The following SCRIB variants were observed in gnomAD, a reference collection of about 807,000 sequenced individuals.
SCRIB encodes scribble planar cell polarity protein, also known as protein scribble homolog.
SCRIB carries 72 observed loss-of-function variants against 170.0 expected under a neutral mutation model. The ratio of observed to expected loss-of-function variants is 0.42; its 90% CI spans 0.35 to 0.52. SCRIB has a LOEUF of 0.52. Among genes scored for constraint, SCRIB ranks in the 20% least tolerant of loss-of-function variants. SCRIB has a pLI of 0.02. For synonymous variants in SCRIB, 1,298 were observed against 1,044.3 expected (o/e 1.24, Z -4.68); for missense variants, 2,475 against 2,338.5 (o/e 1.06, Z -1.20).
At chr8:143,810,642 A>T (rs1242664549) in intron 12 of SCRIB, 38 bp from the exon 13 acceptor site, 1 of 1,605,552 alleles carries the variant, frequency 6.2e-7, no homozygotes, top group African/African-American at 1.3e-5. Flanking sequence ...GCCACAGGGC[A>T]GGGGTCAGGC....
chr8:143,815,277 G>A lies in SCRIB; in HGVS notation c.96C>T (p.Tyr32=), dbSNP rs150033097. The part of the protein sequence containing the change: ...CSLQAVPEEI[Y]RYSRSLEELL... Reference sequence around the variant, plus strand: ...GCTCCTCCAGGCTGCGGCTGTAGCGGTAGATCTCCTCCGGCACGGCCTGCA... The same window carrying A: ...GCTCCTCCAGGCTGCGGCTGTAGCGATAGATCTCCTCCGGCACGGCCTGCA... The change falls in exon 1 of 37, where the codon TAC becomes TAT. Residue 32 remains tyrosine (Y), a synonymous_variant. Coordinates refer to ENST00000356994, the MANE Select transcript of SCRIB (RefSeq NM_182706.5). 5.5e-4 allele frequency: 879 copies of A among 1,597,646 alleles called. 1 individual carries two copies. The highest frequency in any genetic ancestry group is 1.0e-3 in the Middle Eastern group (6 of 5,976).
chr8:143,791,076 T>TAACA lies in SCRIB; in HGVS notation c.*83_*86dup, dbSNP rs1351871859. 167 of 1,317,632 alleles carry TAACA rather than the reference T, an allele frequency of 1.3e-4. No homozygotes were observed. Among genetic ancestry groups the TAACA allele is most frequent in the African/African-American group, 1.8e-4 (12 of 65,880 alleles). The allele number at this position is 1,317,632 out of a possible 1,614,324, so 81.6% of individuals were successfully genotyped here. ...CTCCTGTGGGGTCTCTTTAAAATGC[T>TAACA]AACACCCAGGTTAAAAGACTTGGGG... On this transcript the variant is annotated 3_prime_UTR_variant, in exon 37 of 37. Transcript: ENST00000356994.
rs184788757 is a variant in SCRIB at position 143,806,841 on chromosome 8, G to A, written c.2268+83C>T. 16 of 1,006,120 alleles carry A rather than the reference G, an allele frequency of 1.6e-5. No homozygotes were observed. The East Asian group carries it at 2.9e-4, about 18-fold the overall frequency. 62.3% of individuals were successfully genotyped at this position (1,006,120 alleles called of 1,614,324 possible). A position where few individuals can be genotyped will look rare whatever the true frequency, so the allele number is the denominator to read the frequency against. On this transcript the variant is annotated intron_variant, in intron 17 of 36. Coordinates refer to ENST00000356994, the MANE Select transcript of SCRIB (RefSeq NM_182706.5). ...CCCCAGAGCGTGTGAGTGTTCTCAGGGCAAGGGGCCTGTGTGCCATCAGTG... is the reference window on the plus strand; with the variant it reads ...CCCCAGAGCGTGTGAGTGTTCTCAGAGCAAGGGGCCTGTGTGCCATCAGTG...
chr8:143,800,976 G>A (rs572773964), intron 24 of SCRIB, among the ~76,000 whole-genome samples: 38 of 152,198 alleles, frequency 2.5e-4, no homozygotes, highest in Admixed American at 2.0e-3. Context: ...ATTGACAATA[G>A]AAACTTTTCA....
intron 8 of SCRIB, 22 bp from the exon 9 acceptor site, chr8:143,812,406 G>T: frequency 6.4e-7 from 1 of 1,553,758 alleles, no homozygotes; most frequent in South Asian, 1.1e-5. Context: ...GAGACAGGGG[G>T]ACAAGGCTGA....
intron 13 of SCRIB, among the ~76,000 whole-genome samples, chr8:143,810,250 C>T (rs770595174): frequency 4.6e-5 from 7 of 152,190 alleles, no homozygotes; most frequent in Non-Finnish European, 1.0e-4. Flanking sequence ...ACCACTGGTT[C>T]TCCCCATACT....
chr8:143,793,959 G>A lies in SCRIB; in HGVS notation c.3850C>T (p.Pro1284Ser). Residue 1284 changes from proline to serine, a missense_variant, in exon 28 of 37, where the codon CCG becomes TCG. Coordinates refer to ENST00000356994, the MANE Select transcript of SCRIB (RefSeq NM_182706.5). Reference protein sequence around the residue: ...VPSAGSVQRVPSGAAGGKMAE... With the variant: ...VPSAGSVQRVSSGAAGGKMAE... ...ATCTTCCCTCCAGCTGCTCCAGACG[G>A]TACCTGGAGGAGTAGGCAGTGGGTG... 3 of 1,613,018 alleles carry A rather than the reference G, an allele frequency of 1.9e-6. No homozygotes were observed. Among genetic ancestry groups the A allele is most frequent in the Non-Finnish European group, 2.5e-6 (3 of 1,179,418 alleles).
chr8:143,804,730 C>A lies in SCRIB; in HGVS notation c.2847G>T (p.Glu949Asp), dbSNP rs139092430. 2.5e-6 allele frequency: 4 copies of A among 1,594,316 alleles called. No homozygotes were observed. The African/African-American group carries it at 5.4e-5, about 21-fold the overall frequency. ...GGCTGGGAGGAAGAGGGCCCCCAGC[C>A]TCCCGCTCCAACAGCAGGGCGATGG... is the stretch of plus-strand genomic sequence containing the variant. Reference protein sequence around the residue: ...SPTIALLLEREAGGPLPPSPL... With the variant: ...SPTIALLLERDAGGPLPPSPL... The change falls in exon 21 of 37, where the codon GAG (glutamate) becomes GAT (aspartate). Residue 949 changes from glutamate (E) to aspartate (D), a missense_variant. Transcript: ENST00000356994.
Position 143,809,691 on chromosome 8 carries a change from G to T in SCRIB, c.1558C>A (p.Leu520Met), listed in dbSNP as rs768577785. ...GCAGATGGGCGAGAGTCTTCACTCA[G>T]GCCAGACTCGGCACTCAGCCGCTTC... ...EEKRLSAESG[L>M]SEDSRPSAST... Residue 520 changes from leucine (L) to methionine (M), a missense_variant, in exon 14 of 37, where the codon CTG (leucine) becomes ATG (methionine). Coordinates refer to ENST00000356994, the MANE Select transcript of SCRIB (RefSeq NM_182706.5). 1 of 1,610,016 alleles carries T rather than the reference G, an allele frequency of 6.2e-7. No individual in the cohort carries two copies. Among genetic ancestry groups the T allele is most frequent in the Non-Finnish European group, 8.5e-7 (1 of 1,179,838 alleles).
rs1554633804 is a variant in SCRIB, at chr8:143,795,082, A to G, written c.3802T>C (p.Tyr1268His). Reference protein sequence around the residue: ...GRGLQPLKLDYRALAAVPSAG... With the variant: ...GRGLQPLKLDHRALAAVPSAG... Reference sequence around the variant, plus strand: ...CTGGGCACGGCGGCCAGGGCGCGGTAGTCCAGCTTCAGGGGCTGCAGACCC... The same window carrying G: ...CTGGGCACGGCGGCCAGGGCGCGGTGGTCCAGCTTCAGGGGCTGCAGACCC... The change falls in exon 27 of 37, where the codon TAC becomes CAC. Residue 1268 changes from tyrosine to histidine, a missense_variant. Tyr to His is a moderately conservative substitution (Grantham distance 83, BLOSUM62 2). Coordinates refer to ENST00000356994, the MANE Select transcript of SCRIB (RefSeq NM_182706.5). 1.2e-6 allele frequency: 2 copies of G among 1,611,386 alleles called. No individual in the cohort carries two copies. Among genetic ancestry groups the G allele is most frequent in the Admixed American group, 3.3e-5 (2 of 59,966 alleles).
chr8:143,798,638 G>T (rs1443113788), intron 24 of SCRIB, among the ~76,000 whole-genome samples: 2 of 152,142 alleles, frequency 1.3e-5, no homozygotes, highest in East Asian at 3.8e-4. Flanking sequence ...GATTTTATGA[G>T]AAAAAGTATA....
At chr8:143,803,343 G>A in intron 24 of SCRIB, 40 bp downstream of exon 24, 2 of 1,503,194 alleles carry the variant, frequency 1.3e-6, no homozygotes, top group Non-Finnish European at 8.9e-7. Context: ...CCTTGGGCTG[G>A]GCCAGAGGGA....
At position 143,812,994 on chromosome 8, in the gene SCRIB, G is replaced by C. The variant is rs375199812; in HGVS notation, c.643-33C>G. On this transcript the variant is annotated intron_variant, in intron 7 of 36. Coordinates refer to ENST00000356994, the MANE Select transcript of SCRIB (RefSeq NM_182706.5). ...TGGGCAGAGAGTCAGAGCGCGGATGGGCACGAAGCAGGGGGCCAGCCCCAC... is the reference window on the plus strand; with the variant it reads ...TGGGCAGAGAGTCAGAGCGCGGATGCGCACGAAGCAGGGGGCCAGCCCCAC... 313 of 1,611,120 alleles carry C rather than the reference G, an allele frequency of 1.9e-4. 1 individual carries two copies. In the African/African-American group the frequency reaches 2.9e-3, roughly 15 times the overall value.
chr8:143,815,406 C>CGCTCGGCGG lies in SCRIB; in HGVS notation c.-43_-35dup, dbSNP rs1463623709. ...TGGGCGGCGCGGGCTCCGGCGGCGGCGCTCGGCGGGCTCGGGGCCGGGGGG... is the reference window on the plus strand; with the variant it reads ...TGGGCGGCGCGGGCTCCGGCGGCGGCGCTCGGCGGGCTCGGCGGGCTCGGGGCCGGGGGG... On this transcript the variant is annotated 5_prime_UTR_variant, in exon 1 of 37. Transcript: ENST00000356994. The CGCTCGGCGG allele has an allele frequency of 2.1e-5, 26 of 1,251,594 alleles. No homozygotes were observed. Among genetic ancestry groups the CGCTCGGCGG allele is most frequent in the African/African-American group, 1.6e-4 (10 of 63,900 alleles). 77.5% of individuals were successfully genotyped at this position (1,251,594 alleles called of 1,614,324 possible).
chr8:143,810,633 C>A, intron 12 of SCRIB, 29 bp from the exon 13 acceptor site: 7 of 1,607,950 alleles, frequency 4.4e-6, no homozygotes, highest in Non-Finnish European at 6.0e-6. Context: ...TGAGCAGCAG[C>A]CACAGGGCAG....
Position 143,815,431 on chromosome 8 carries a change from G to T in SCRIB, c.-59C>A. 1 of 1,211,016 alleles carries T rather than the reference G, an allele frequency of 8.3e-7. No homozygotes were observed. The highest frequency in any genetic ancestry group is 1.0e-6 in the Non-Finnish European group (1 of 972,596). The allele number at this position is 1,211,016 out of a possible 1,614,324, so 75.0% of individuals were successfully genotyped here. Reference sequence around the variant, plus strand: ...CGCTCGGCGGGCTCGGGGCCGGGGGGCGGGGCTCAGTCCGCATGGGCGCCG... The same window carrying T: ...CGCTCGGCGGGCTCGGGGCCGGGGGTCGGGGCTCAGTCCGCATGGGCGCCG... On this transcript the variant is annotated 5_prime_UTR_variant, in exon 1 of 37. Transcript: ENST00000356994.
In SCRIB at chr8:143,815,508, G is replaced by A. The variant is rs1816051156; in HGVS notation, c.-136C>T. On this transcript the variant is annotated 5_prime_UTR_variant, in exon 1 of 37. Coordinates refer to ENST00000356994, the MANE Select transcript of SCRIB (RefSeq NM_182706.5). The stretch of plus-strand genomic sequence containing the variant: ...GGCGGGCCGCCCGAGACTGGACGGG[G>A]ACGCGGCCGCGGCCGGCGCTGGGCC... The A allele has an allele frequency of 1.0e-6, 1 of 986,608 alleles. No homozygotes were observed. Among genetic ancestry groups the A allele is most frequent in the East Asian group, 1.1e-4 (1 of 8,812 alleles). The allele number at this position is 986,608 out of a possible 1,614,324, so 61.1% of individuals were successfully genotyped here.
chr8:143,814,731 G>A (rs543342134), intron 1 of SCRIB: 4 of 166,400 alleles, frequency 2.4e-5, no homozygotes, highest in South Asian at 1.8e-4. Flanking sequence ...TCTTGTAGCA[G>A]CCTTAGGAGA....
Position 143,806,430 on chromosome 8 carries a change from G to A in SCRIB, c.2323C>T (p.Arg775Cys), listed in dbSNP as rs942048242. 5.0e-6 allele frequency: 8 copies of A among 1,605,956 alleles called. No individual in the cohort carries two copies. The highest frequency in any genetic ancestry group is 4.0e-5 in the African/African-American group (3 of 74,738). Residue 775 changes from arginine (R) to cysteine (C), a missense_variant, in exon 18 of 37, where the codon CGT becomes TGT. Transcript: ENST00000356994. ...ACCTCCAGGAGCTTGTCACCCACACGGACTCCAGCCCGGGCCGCAGGGCCT... is the reference window on the plus strand; with the variant it reads ...ACCTCCAGGAGCTTGTCACCCACACAGACTCCAGCCCGGGCCGCAGGGCCT... The part of the protein sequence containing the change: ...EEGPAARAGV[R>C]VGDKLLEVNG...
Sources: allele counts gnomAD v4.1 joint callset (sites outside exome capture counted in the v4.1 genomes callset), GRCh38; gene constraint gnomAD v4.1.1; transcripts MANE v1.5; gene names NCBI Gene and HGNC (gene_info 2026-07-23, HGNC 2026-07-21).